The following ANKRD12 variants were observed in gnomAD, a reference collection of about 807,000 sequenced individuals.
ANKRD12 encodes ankyrin repeat domain-containing protein 12.
In ANKRD12, 85 loss-of-function variants were observed where a neutral mutation model predicts 183.4. That is an observed-to-expected ratio of 0.46 (90% CI 0.39 to 0.56). ANKRD12 has a LOEUF of 0.56. Ranked by LOEUF, ANKRD12 falls within the 20% of genes least tolerant of loss-of-function variation. The probability of loss-of-function intolerance (pLI) is 0.00; values close to 1 mark genes in which losing one functional copy is unlikely to be tolerated. For synonymous variants in ANKRD12, 914 were observed against 800.2 expected (o/e 1.14, Z -2.40); for missense variants, 2,405 against 2,357.1 (o/e 1.02, Z -0.42).
chr18:9,246,575 C>T (rs926007784), intron 8 of ANKRD12, among the ~76,000 whole-genome samples: 5 of 152,030 alleles, frequency 3.3e-5, no homozygotes, highest in Non-Finnish European at 5.9e-5. Flanking sequence ...AATAAGTGCC[C>T]GGAGCAAGCT....
chr18:9,201,306 A>T (rs2035150834), intron 3 of ANKRD12, among the ~76,000 whole-genome samples: 1 of 152,214 alleles, frequency 6.6e-6, no homozygotes, highest in South Asian at 2.1e-4. Context: ...AATCATACTT[A>T]ATTTCTTTCC....
At chr18:9,233,823 C>T (rs1313268891) in intron 8 of ANKRD12, among the ~76,000 whole-genome samples, 1 of 152,106 alleles carries the variant, frequency 6.6e-6, no homozygotes, top group Non-Finnish European at 1.5e-5. Flanking sequence ...GCTGAACATG[C>T]CTTATTCTGA....
intron 2 of ANKRD12, among the ~76,000 whole-genome samples, chr18:9,187,866 A>G (rs1352347983): frequency 1.3e-5 from 2 of 152,214 alleles, no homozygotes; most frequent in South Asian, 2.1e-4. Flanking sequence ...GTTCTGTTAT[A>G]TCCTTTTCGT....
At chr18:9,149,805 T>C (rs956877568) in intron 1 of ANKRD12, among the ~76,000 whole-genome samples, 2 of 149,022 alleles carry the variant, frequency 1.3e-5, no homozygotes, top group African/African-American at 4.9e-5. Flanking sequence ...TTTATTTTTT[T>C]TTTTTTTTGA....
At chr18:9,145,952 A>G (rs1282306276) in intron 1 of ANKRD12, among the ~76,000 whole-genome samples, 1 of 152,194 alleles carries the variant, frequency 6.6e-6, no homozygotes, top group Non-Finnish European at 1.5e-5. Context: ...AAGATGCATA[A>G]TTAGGAAGAG....
At chr18:9,229,920 A>G (rs1483892097) in intron 8 of ANKRD12, among the ~76,000 whole-genome samples, 3 of 152,066 alleles carry the variant, frequency 2.0e-5, no homozygotes, top group East Asian at 1.9e-4. Context: ...ATGTTGGCCT[A>G]TAGTTTTCTT....
At chr18:9,161,304 G>T (rs1045313141) in intron 1 of ANKRD12, among the ~76,000 whole-genome samples, 1 of 151,988 alleles carries the variant, frequency 6.6e-6, no homozygotes, top group Non-Finnish European at 1.5e-5. Context: ...AAGATTTGTA[G>T]ACAGACTTTA....
chr18:9,142,232 CAAAAG>C (rs1287143371), intron 1 of ANKRD12, among the ~76,000 whole-genome samples: 2 of 152,138 alleles, frequency 1.3e-5, no homozygotes, highest in Non-Finnish European at 2.9e-5. Flanking sequence ...TATTGACTCT[CAAAAG>C]AAAAATAGTA....
Position 9,182,422 on chromosome 18 carries a change from A to G in ANKRD12, c.-11A>G, listed in dbSNP as rs759596305. On this transcript the variant is annotated 5_prime_UTR_variant, in exon 2 of 13. Coordinates refer to ENST00000262126, the MANE Select transcript of ANKRD12 (RefSeq NM_015208.5). The stretch of plus-strand genomic sequence containing the variant: ...ACTGATAAAAGAAGAAGCTAGCTGA[A>G]CAGCTGTAAAATGCCCAAATCTGGG... 6.3e-7 allele frequency: 1 copy of G among 1,594,612 alleles called. No homozygotes were observed. Among genetic ancestry groups the G allele is most frequent in the Non-Finnish European group, 8.6e-7 (1 of 1,166,542 alleles).
chr18:9,201,469 C>T (rs1341406892), intron 3 of ANKRD12, among the ~76,000 whole-genome samples: 2 of 152,140 alleles, frequency 1.3e-5, no homozygotes, highest in Non-Finnish European at 1.5e-5. Context: ...GACATCTTTG[C>T]AGATTGTGAT....
At position 9,254,587 on chromosome 18, in the gene ANKRD12, T is replaced by C; in HGVS notation, c.1320T>C (p.Ser440=). The C allele has an allele frequency of 6.3e-7, 1 of 1,580,148 alleles. No homozygotes were observed. Among genetic ancestry groups the C allele is most frequent in the Non-Finnish European group, 8.6e-7 (1 of 1,168,120 alleles). The change falls in exon 9 of 13, where the codon TCT becomes TCC. Residue 440 remains serine, a synonymous_variant. Coordinates refer to ENST00000262126, the MANE Select transcript of ANKRD12 (RefSeq NM_015208.5). ...AAGCTCTTCAGAATAAAAAGATTTC[T>C]ACTTCATGTTCCGTCATCCCTGAAA... ...DEEALQNKKI[S]TSCSVIPETS... is the part of the protein sequence containing the mutation.
intron 1 of ANKRD12, among the ~76,000 whole-genome samples, chr18:9,167,616 G>T (rs1009815623): frequency 3.3e-5 from 5 of 152,024 alleles, no homozygotes; most frequent in Admixed American, 6.6e-5. Flanking sequence ...GGAGATTTTG[G>T]GCTGAGACGA....
rs1381470803 is a variant in ANKRD12 at position 9,136,810 on chromosome 18, GGCT to G, written c.-205_-203del. ...GGCGACGCTGTCCTGGGAGCGAGGA[GGCT>G]GTGGTGAGAGACGGACCGAGACCGG... On this transcript the variant is annotated 5_prime_UTR_variant, in exon 1 of 13. Transcript: ENST00000262126. 6.6e-6 allele frequency: 1 copy of G among 152,294 alleles called. No individual in the cohort carries two copies. The highest frequency in any genetic ancestry group is 1.5e-5 in the Non-Finnish European group (1 of 68,100). 9.4% of individuals were successfully genotyped at this position (152,294 alleles called of 1,614,324 possible).
rs549738825 is a variant in ANKRD12 at position 9,231,142 on chromosome 18, T to C, written c.943+9143T>C. On this transcript the variant is annotated intron_variant, in intron 8 of 12. Coordinates refer to ENST00000262126, the MANE Select transcript of ANKRD12 (RefSeq NM_015208.5). ...GTGGAATACACTGTGATTTCAAGTTTTAAAAATTTGTTGAGACTAGTTTTG... is the reference window on the plus strand; with the variant it reads ...GTGGAATACACTGTGATTTCAAGTTCTAAAAATTTGTTGAGACTAGTTTTG... Among the ~76,000 whole-genome samples the C allele has an allele frequency of 4.6e-5, 7 of 152,338 alleles. No individual in the cohort carries two copies. In the South Asian group the frequency reaches 1.0e-3, roughly 23 times the overall value.
At chr18:9,149,388 A>C (rs1339455469) in intron 1 of ANKRD12, among the ~76,000 whole-genome samples, 1 of 152,238 alleles carries the variant, frequency 6.6e-6, no homozygotes, top group Non-Finnish European at 1.5e-5. Flanking sequence ...TTTAAGGAGA[A>C]TTAGTTCATT....
intron 8 of ANKRD12, among the ~76,000 whole-genome samples, chr18:9,224,538 A>G (rs527595499): frequency 6.6e-6 from 1 of 152,344 alleles, no homozygotes; most frequent in African/African-American, 2.4e-5. Flanking sequence ...CTGCCCGATA[A>G]AATTGGTAAA....
In ANKRD12 at chr18:9,256,076, CAATCAGATAATAGTG is replaced by C. The variant is rs752942646; in HGVS notation, c.2813_2827del (p.Ser938_Glu942del). On this transcript the variant is annotated inframe_deletion, in exon 9 of 13. Transcript: ENST00000262126. Reference sequence around the variant, plus strand: ...GCACTTGATGGAGAAAAAAAATAAACAATCAGATAATAGTGAATACAGTAAATCAGAAAAAGGCAA... The same window carrying C: ...GCACTTGATGGAGAAAAAAAATAAACAATACAGTAAATCAGAAAAAGGCAA... The C allele has an allele frequency of 6.4e-7, 1 of 1,560,680 alleles. No homozygotes were observed. Among genetic ancestry groups the C allele is most frequent in the African/African-American group, 1.4e-5 (1 of 71,808 alleles).
chr18:9,162,767 A>C (rs1223728968), intron 1 of ANKRD12, among the ~76,000 whole-genome samples: 1 of 151,732 alleles, frequency 6.6e-6, no homozygotes, highest in African/African-American at 2.4e-5. Flanking sequence ...ATGGTATCTC[A>C]TTGTGGTTTT....
chr18:9,252,829 A>G (rs947857157), intron 8 of ANKRD12, among the ~76,000 whole-genome samples: 9 of 152,294 alleles, frequency 5.9e-5, no homozygotes, highest in Admixed American at 3.3e-4. Flanking sequence ...TCTGAAACAC[A>G]TAATTTGTGA....
Sources: gnomAD v4.1 joint callset for allele counts (sites outside exome capture counted in the v4.1 genomes callset) on GRCh38, gnomAD v4.1.1 for gene constraint, MANE v1.5 for transcripts, NCBI Gene and HGNC (gene_info 2026-07-23, HGNC 2026-07-21) for gene names.